TAPBPL: variants seen among roughly 807,000 people sequenced by gnomAD.
TAPBPL encodes TAP binding protein like.
In TAPBPL, 32 loss-of-function variants were observed where a neutral mutation model predicts 44.8. The ratio of observed to expected loss-of-function variants is 0.71; its 90% CI spans 0.54 to 0.96. The LOEUF is 0.96. Among genes scored for constraint, TAPBPL ranks in the 40% least tolerant of loss-of-function variants. TAPBPL has a pLI of 0.00. For synonymous variants in TAPBPL, 230 were observed against 240.7 expected (o/e 0.96, Z 0.41); for missense variants, 520 against 586.6 (o/e 0.89, Z 1.17).
downstream of TAPBPL, among the ~76,000 whole-genome samples, chr12:6,469,524 T>C (rs16932648): frequency 0.04 from 6,029 of 152,282 alleles, 391 homozygotes; most frequent in African/African-American, 0.14. Flanking sequence ...TATGAAGTAT[T>C]TGCAAGGCCA....
At chr12:6,468,790 C>T (rs1433793523), downstream of TAPBPL, among the ~76,000 whole-genome samples, 1 of 152,144 alleles carries the variant, frequency 6.6e-6, no homozygotes, top group Non-Finnish European at 1.5e-5. Context: ...GAAGTATAAC[C>T]TAAGTCATGA....
intron 6 of TAPBPL, chr12:6,461,246 T>TGG: frequency 1.7e-6 from 2 of 1,211,586 alleles, no homozygotes; most frequent in Non-Finnish European, 2.1e-6. Context: ...CACCAGCTCA[T>TGG]GGGGCACTGG....
rs34434676 is a variant in TAPBPL, at chr12:6,462,125, A to G, written c.1383A>G (p.Thr461=). 33 of 1,609,910 alleles carry G rather than the reference A, an allele frequency of 2.0e-5. No homozygotes were observed. The highest frequency in any genetic ancestry group is 2.7e-5 in the Non-Finnish European group (32 of 1,177,376). ...TQSSHLHEDR[T]ARVSQPS is the part of the protein sequence containing the mutation. ...GCTCCCATCTCCATGAAGACCGCAC[A>G]GCGCGTGTAAGCCAGCCCAGCTGAC... is the stretch of plus-strand genomic sequence containing the variant. The change falls in exon 7 of 7, where the codon ACA becomes ACG. Residue 461 remains threonine (T), a synonymous_variant. Coordinates refer to ENST00000266556, the MANE Select transcript of TAPBPL (RefSeq NM_018009.5).
the TAPBPL span, among the ~76,000 whole-genome samples, chr12:6,471,915 T>G: frequency 6.6e-6 from 1 of 152,244 alleles, no homozygotes; most frequent in African/African-American, 2.4e-5. The surrounding 1 kb of genome is among the most constrained non-coding windows in gnomAD (Gnocchi z 4.0). Flanking sequence ...ATTGAAAATA[T>G]GGGTTTATAT....
downstream of TAPBPL, chr12:6,464,744 C>G (rs71584833): frequency 2.8e-5 from 42 of 1,519,780 alleles, no homozygotes; most frequent in Non-Finnish European, 3.3e-5. Flanking sequence ...GCCCTTCCCC[C>G]GTCCCGAACC....
intron 5 of TAPBPL, 47 bp from the exon 6 acceptor site, chr12:6,460,804 CTCAT>C: frequency 6.3e-7 from 1 of 1,588,602 alleles, no homozygotes; most frequent in African/African-American, 1.3e-5. Flanking sequence ...GAGGGCTCAG[CTCAT>C]GATTCCTGCG....
chr12:6,462,461 G>A (rs1385285791), downstream of TAPBPL: 4 of 493,246 alleles, frequency 8.1e-6, no homozygotes, highest in African/African-American at 7.7e-5. Context: ...AGCTTCATTT[G>A]ACTGCAAAGT....
intron 3 of TAPBPL, among the ~76,000 whole-genome samples, chr12:6,456,946 C>T (rs1381658991): frequency 6.6e-6 from 1 of 152,246 alleles, no homozygotes. Flanking sequence ...AGCCACCGCA[C>T]CCAGCCACCA....
chr12:6,456,480 G>A (rs1349605478), intron 3 of TAPBPL, among the ~76,000 whole-genome samples: 4 of 147,610 alleles, frequency 2.7e-5, no homozygotes, highest in African/African-American at 7.5e-5. Flanking sequence ...TTCTCCACCT[G>A]AGCCTCCCAA....
chr12:6,458,109 C>T (rs964629780), intron 4 of TAPBPL, among the ~76,000 whole-genome samples: 8 of 152,146 alleles, frequency 5.3e-5, no homozygotes, highest in African/African-American at 1.7e-4. Context: ...GCTTAGAGGC[C>T]GGGCGCGGTG....
intron 1 of TAPBPL, chr12:6,452,542 T>C: frequency 7.1e-7 from 1 of 1,408,284 alleles, no homozygotes; most frequent in Non-Finnish European, 9.2e-7. Flanking sequence ...CCTCTGTGGC[T>C]GTGGTCAGGA....
At chr12:6,461,495 G>A in intron 6 of TAPBPL, 1 of 985,186 alleles carries the variant, frequency 1.0e-6, no homozygotes, top group Non-Finnish European at 1.2e-6. Context: ...CCCAAACTCA[G>A]CTCTGTCAAA....
At chr12:6,454,629 C>T (rs1949658423) in intron 3 of TAPBPL, among the ~76,000 whole-genome samples, 1 of 152,162 alleles carries the variant, frequency 6.6e-6, no homozygotes, top group Non-Finnish European at 1.5e-5. Flanking sequence ...TGATGCTATT[C>T]TGTACATGGG....
chr12:6,466,656 GAAGTAA>G (rs1326488867), downstream of TAPBPL: 5 of 243,558 alleles, frequency 2.1e-5, no homozygotes, highest in Admixed American at 5.3e-5. Flanking sequence ...ATAGAGGCAA[GAAGTAA>G]AAGATGAAAG....
downstream of TAPBPL, chr12:6,465,923 A>G (rs780922291): frequency 6.2e-7 from 1 of 1,614,270 alleles, no homozygotes; most frequent in South Asian, 1.1e-5. Context: ...GCAAGGCATC[A>G]GCTCGGTCAT....
downstream of TAPBPL, chr12:6,462,499 T>C: frequency 2.0e-6 from 1 of 493,996 alleles, no homozygotes; most frequent in Non-Finnish European, 3.6e-6. Context: ...CATTTGCTCA[T>C]GCACATGGGT....
At chr12:6,456,284 G>C (rs1268795951) in intron 3 of TAPBPL, among the ~76,000 whole-genome samples, 3 of 151,758 alleles carry the variant, frequency 2.0e-5, no homozygotes, top group Non-Finnish European at 4.4e-5. Context: ...CCAACATTTA[G>C]ATTTGTCTGA....
downstream of TAPBPL, chr12:6,463,935 T>C: frequency 7.8e-7 from 1 of 1,289,548 alleles, no homozygotes; most frequent in Non-Finnish European, 1.0e-6. This position sits in a 1 kb window ranked among gnomAD's most constrained non-coding sequence, Gnocchi z 4.0. Flanking sequence ...AAAAGGGTAC[T>C]GCACTGAAAC....
chr12:6,469,728 GAGA>G (rs770837286), downstream of TAPBPL, among the ~76,000 whole-genome samples: 24 of 152,210 alleles, frequency 1.6e-4, no homozygotes, highest in Admixed American at 4.6e-4. Context: ...GGTCTTGACA[GAGA>G]AGTACTTCGT....
Sources: gnomAD v4.1 joint callset for allele counts (sites outside exome capture counted in the v4.1 genomes callset) on GRCh38, gnomAD v4.1.1 for gene constraint, Gnocchi (gnomAD v3.1) non-coding constraint, MANE v1.5 for transcripts, NCBI Gene and HGNC (gene_info 2026-07-23, HGNC 2026-07-21) for gene names.